Variants in SUMF1 observed in about 807,000 individuals in gnomAD.
SUMF1 encodes the protein formylglycine-generating enzyme.
Under a neutral mutation model 47.6 loss-of-function variants are expected in SUMF1, and 48 were observed. That is an observed-to-expected ratio of 1.01 (90% confidence interval 0.80 to 1.28). SUMF1 has a LOEUF of 1.28. Ranked by LOEUF, SUMF1 falls within the 50% of genes most tolerant of loss-of-function variation. SUMF1 has a pLI of 0.00. For synonymous variants in SUMF1, 230 were observed against 192.1 expected (o/e 1.20, Z -1.63); for missense variants, 571 against 485.4 (o/e 1.18, Z -1.66).
At chr3:4,445,570 C>G (rs1365801723) in intron 3 of SUMF1, among the ~76,000 whole-genome samples, 1 of 152,146 alleles carries the variant, frequency 6.6e-6, no homozygotes, top group Non-Finnish European at 1.5e-5. Context: ...GTCTTGAACT[C>G]CTGGCCTCAG....
intron 8 of SUMF1, among the ~76,000 whole-genome samples, chr3:4,299,993 A>T (rs1697929581): frequency 6.6e-6 from 1 of 152,174 alleles, no homozygotes; most frequent in Non-Finnish European, 1.5e-5. Flanking sequence ...CCCTATTGAT[A>T]TAATTTGGAT....
intron 8 of SUMF1, among the ~76,000 whole-genome samples, chr3:4,277,734 G>C (rs369827272): frequency 1.3e-5 from 2 of 152,128 alleles, no homozygotes; most frequent in Admixed American, 6.5e-5. Context: ...TGGATGGACA[G>C]ATTGCAACAG....
At chr3:4,316,881 G>A (rs1322825552) in intron 8 of SUMF1, 10 of 1,549,200 alleles carry the variant, frequency 6.5e-6, no homozygotes, top group African/African-American at 4.1e-5. Flanking sequence ...TCAGGAAATC[G>A]ATGAGATGAA....
chr3:4,347,352 A>C (rs1264849790), intron 8 of SUMF1, among the ~76,000 whole-genome samples: 1 of 152,242 alleles, frequency 6.6e-6, no homozygotes, highest in Admixed American at 6.5e-5. Flanking sequence ...AGTGGGCTTC[A>C]TCACTGGGAT....
chr3:4,215,923 C>T (rs1247073090), intron 8 of SUMF1, among the ~76,000 whole-genome samples: 1 of 152,132 alleles, frequency 6.6e-6, no homozygotes, highest in Non-Finnish European at 1.5e-5. Flanking sequence ...ATTCCATGCT[C>T]ATGGATAGGA....
At chr3:4,453,203 AGAAG>A (rs1204633438) in intron 1 of SUMF1, among the ~76,000 whole-genome samples, 154 bp from the exon 2 acceptor site, 1 of 152,214 alleles carries the variant, frequency 6.6e-6, no homozygotes, top group Non-Finnish European at 1.5e-5. Flanking sequence ...TATACCCCAA[AGAAG>A]GTGAATCACG....
chr3:4,364,743 T>C (rs1368304408), intron 8 of SUMF1, among the ~76,000 whole-genome samples: 1 of 151,556 alleles, frequency 6.6e-6, no homozygotes, highest in Non-Finnish European at 1.5e-5. Context: ...GCTCTGATTT[T>C]AGTTATTTCT....
At chr3:4,221,494 A>C (rs1303728203) in intron 8 of SUMF1, among the ~76,000 whole-genome samples, 1 of 151,902 alleles carries the variant, frequency 6.6e-6, no homozygotes, top group Admixed American at 6.6e-5. Context: ...ATATATAAGC[A>C]AAGATCCATA....
chr3:4,355,142 G>A (rs921797065), intron 8 of SUMF1, among the ~76,000 whole-genome samples: 4 of 152,130 alleles, frequency 2.6e-5, no homozygotes, highest in African/African-American at 9.7e-5. Context: ...TTGAGCCCTG[G>A]AGTTCAAGAC....
chr3:4,358,511 C>T (rs1196013059), downstream of SUMF1, among the ~76,000 whole-genome samples: 1 of 152,200 alleles, frequency 6.6e-6, no homozygotes, highest in Non-Finnish European at 1.5e-5. Flanking sequence ...ATGTGGAAGT[C>T]ATGTTGGATC....
chr3:4,226,325 A>G (rs560332769), intron 8 of SUMF1, among the ~76,000 whole-genome samples: 70 of 128,328 alleles, frequency 5.5e-4, no homozygotes, highest in Middle Eastern at 0.01. Flanking sequence ...GCTGGAGTGC[A>G]GTAGCATGAT....
At chr3:4,456,767 T>C (rs1385699684) in intron 1 of SUMF1, among the ~76,000 whole-genome samples, 3 of 87,988 alleles carry the variant, frequency 3.4e-5, no homozygotes, top group Non-Finnish European at 7.3e-5. Flanking sequence ...TGTGTGTATA[T>C]ATACACATAT....
chr3:4,144,165 C>T (rs1181821532), intron 8 of SUMF1, among the ~76,000 whole-genome samples: 1 of 151,860 alleles, frequency 6.6e-6, no homozygotes, highest in South Asian at 2.1e-4. Flanking sequence ...CGGGGTCTTA[C>T]CACGTGTCCC....
chr3:4,210,009 C>G (rs971254178), intron 8 of SUMF1, among the ~76,000 whole-genome samples: 31 of 152,278 alleles, frequency 2.0e-4, no homozygotes, highest in Admixed American at 1.6e-3. Context: ...ATTCTCCTGC[C>G]TCAGCCTCCC....
In SUMF1 at chr3:4,373,519, G is replaced by A. The variant is rs369996135; in HGVS notation, c.1014+2811C>T. Among the ~76,000 whole-genome samples, 6 of 151,986 alleles carry A rather than the reference G, an allele frequency of 3.9e-5. No individual in the cohort carries two copies. In the East Asian group the frequency reaches 9.6e-4, roughly 24 times the overall value. ...TGTAGTCCCAGCCACTCAGGAGGCT[G>A]AGGCAGGACAATTGCTTGAGTTCAG... On this transcript the variant is annotated intron_variant, in intron 8 of 8. Transcript: ENST00000272902.
chr3:4,402,976 C>T (rs981916812), intron 7 of SUMF1, among the ~76,000 whole-genome samples: 3 of 152,182 alleles, frequency 2.0e-5, no homozygotes, highest in African/African-American at 7.2e-5. Flanking sequence ...CAGTGAGATA[C>T]TGTTCTTCAT....
At chr3:4,067,196 C>T (rs377256411) in intron 9 of SUMF1, among the ~76,000 whole-genome samples, 2 of 152,274 alleles carry the variant, frequency 1.3e-5, no homozygotes, top group African/African-American at 4.8e-5. Context: ...ATCTCCAGAA[C>T]ATTAAGCAGA....
At chr3:4,128,324 T>C (rs1693705587) in intron 8 of SUMF1, among the ~76,000 whole-genome samples, 1 of 152,224 alleles carries the variant, frequency 6.6e-6, no homozygotes, top group South Asian at 2.1e-4. Flanking sequence ...AAACTTGGAA[T>C]GGGGATGTGT....
chr3:4,388,487 ATTAGG>A lies in SUMF1; in HGVS notation c.955-12103_955-12099del, dbSNP rs138699464. Among the ~76,000 whole-genome samples, 350 of 152,160 alleles carry A rather than the reference ATTAGG, an allele frequency of 2.3e-3. 2 individuals carry two copies. Among genetic ancestry groups the A allele is most frequent in the African/African-American group, 8.0e-3 (331 of 41,556 alleles). The stretch of plus-strand genomic sequence containing the variant: ...TGAAGTTTCTTGTACACAGCATATA[ATTAGG>A]TTGTTTTTTTAATCTACTATGCCAA... On this transcript the variant is annotated intron_variant, in intron 7 of 8. Transcript: ENST00000272902.
Sources: allele counts gnomAD v4.1 joint callset (sites outside exome capture counted in the v4.1 genomes callset), GRCh38; gene constraint gnomAD v4.1.1; transcripts MANE v1.5; gene names NCBI Gene and HGNC (gene_info 2026-07-23, HGNC 2026-07-21).